The following ANKRD54 variants were observed in gnomAD, a reference collection of about 807,000 sequenced individuals.
The protein encoded by ANKRD54 is ankyrin repeat domain-containing protein 54.
ANKRD54 carries 26 observed loss-of-function variants against 36.2 expected under a neutral mutation model. The observed-to-expected ratio is 0.72, with a 90% CI of 0.53 to 1.00. ANKRD54 has a LOEUF of 1.00. Ranked by LOEUF, ANKRD54 falls within the 50% of genes least tolerant of loss-of-function variation. The pLI, the probability that ANKRD54 is intolerant of heterozygous loss-of-function variation, is 0.00. For missense variants in ANKRD54, 384 were observed against 424.3 expected, an observed-to-expected ratio of 0.91 and a Z score of 0.83; for synonymous variants, 209 against 188.4, an observed-to-expected ratio of 1.11 and a Z score of -0.89.
At chr22:37,839,482 G>A (rs1288113600) in intron 2 of ANKRD54, among the ~76,000 whole-genome samples, 1 of 152,104 alleles carries the variant, frequency 6.6e-6, no homozygotes, top group Non-Finnish European at 1.5e-5. Flanking sequence ...CTGTCTCCCA[G>A]GTTCACACCA....
At chr22:37,847,817 G>C (rs751458851), upstream of ANKRD54, 51 of 429,266 alleles carry the variant, frequency 1.2e-4, 1 homozygote, top group South Asian at 8.9e-4. Flanking sequence ...CACCTCTGGT[G>C]ACAGCACAAG....
chr22:37,841,803 G>C (rs542426435), intron 1 of ANKRD54, among the ~76,000 whole-genome samples: 4 of 151,576 alleles, frequency 2.6e-5, no homozygotes, highest in African/African-American at 9.7e-5. Context: ...AGCCAAGATC[G>C]CGCCACTGCA....
intron 7 of ANKRD54, 101 bp downstream of exon 7, chr22:37,832,536 C>T: frequency 1.8e-6 from 2 of 1,136,428 alleles, no homozygotes; most frequent in Non-Finnish European, 2.6e-6. Context: ...CCCCAGCCCA[C>T]AGCCTCTTTC....
intron 1 of ANKRD54, among the ~76,000 whole-genome samples, chr22:37,840,796 A>C (rs1450450954): frequency 6.7e-6 from 1 of 149,970 alleles, no homozygotes; most frequent in Non-Finnish European, 1.5e-5. Context: ...CTGAGGTAGG[A>C]GAATCACTTG....
At position 37,835,719 on chromosome 22, in the gene ANKRD54, T is replaced by C. The variant is rs1019477082; in HGVS notation, c.476-1964A>G. On this transcript the variant is annotated intron_variant, in intron 3 of 7. Transcript: ENST00000215941. Reference sequence around the variant, plus strand: ...TACTTGGGAGGCTGAGGCAGGAGGATTGCTTGAGCCTAGGAGATTGAGGCT... The same window carrying C: ...TACTTGGGAGGCTGAGGCAGGAGGACTGCTTGAGCCTAGGAGATTGAGGCT... 9.2e-5 allele frequency among the ~76,000 whole-genome samples: 14 copies of C among 152,110 alleles called. No homozygotes were observed. The East Asian group carries it at 1.5e-3, about 17-fold the overall frequency.
At chr22:37,833,864 A>C in intron 3 of ANKRD54, 109 bp from the exon 4 acceptor site, 1 of 899,318 alleles carries the variant, frequency 1.1e-6, no homozygotes, top group Non-Finnish European at 1.8e-6. Flanking sequence ...ACGGAATGCA[A>C]GCATGGATGG....
At chr22:37,833,986 G>A (rs949882460) in intron 3 of ANKRD54, 10 of 509,902 alleles carry the variant, frequency 2.0e-5, no homozygotes, top group Non-Finnish European at 3.2e-5. Context: ...GCCTATGCAG[G>A]TGTAGGAATG....
chr22:37,838,838 G>A (rs927413370), intron 2 of ANKRD54, among the ~76,000 whole-genome samples: 9 of 152,082 alleles, frequency 5.9e-5, no homozygotes, highest in African/African-American at 2.2e-4. Flanking sequence ...ATAGAACATC[G>A]TAGGAGGTTC....
intron 1 of ANKRD54, 190 bp downstream of exon 1, chr22:37,843,721 T>C: frequency 3.0e-6 from 1 of 331,350 alleles, no homozygotes; most frequent in African/African-American, 2.2e-5. Context: ...GCAGGAAGAC[T>C]TTCTAAAAAA....
Position 37,844,182 on chromosome 22 carries a change from C to A in ANKRD54, c.57G>T (p.Ser19=). 1 of 1,509,836 alleles carries A rather than the reference C, an allele frequency of 6.6e-7. No homozygotes were observed. Among genetic ancestry groups the A allele is most frequent in the Non-Finnish European group, 8.8e-7 (1 of 1,137,212 alleles). The allele number at this position is 1,509,836 out of a possible 1,614,324, so 93.5% of individuals were successfully genotyped here. A position where few individuals can be genotyped will look rare whatever the true frequency, so the allele number is the denominator to read the frequency against. ...DDEPRSGHSS[S]EGECAVAPEP... ...CCGGCGCCACCGCGCACTCGCCCTC[C>A]GAGCTCGAGTGGCCTGAGCGCGGCT... is the stretch of plus-strand genomic sequence containing the variant. The change falls in exon 1 of 8, where the codon TCG becomes TCT. Residue 19 remains serine, a synonymous_variant. Coordinates refer to ENST00000215941, the MANE Select transcript of ANKRD54 (RefSeq NM_138797.4).
intron 2 of ANKRD54, among the ~76,000 whole-genome samples, chr22:37,839,815 T>G (rs760673626): frequency 1.3e-5 from 2 of 152,232 alleles, no homozygotes; most frequent in African/African-American, 2.4e-5. Context: ...CCACCTCACC[T>G]GGCCGTGGCA....
upstream of ANKRD54, among the ~76,000 whole-genome samples, chr22:37,845,368 A>C (rs1924776634): frequency 6.6e-6 from 1 of 152,186 alleles, no homozygotes. Flanking sequence ...GCAACATTTC[A>C]TGGGTGCACG....
chr22:37,833,753 G>A lies in ANKRD54; in HGVS notation c.478C>T (p.Gln160Ter). ...ASCNGNDQIV[Q>*]LLLDHGADPN... ...TCAGCACCATGGTCCAGGAGCAGCT[G>A]CACTGGAAACAGGCAAACCCAAGAG... Residue 160 changes from glutamine (Q) to a stop codon, truncating the protein, a stop_gained and splice_region_variant, in exon 4 of 8, where the codon CAG (glutamine) becomes TAG (stop). Transcript: ENST00000215941. LOFTEE classifies it high-confidence loss of function. The A allele has an allele frequency of 6.2e-7, 1 of 1,613,960 alleles. No individual in the cohort carries two copies. The highest frequency in any genetic ancestry group is 8.5e-7 in the Non-Finnish European group (1 of 1,179,880).
At chr22:37,842,616 G>A (rs1374514661) in intron 1 of ANKRD54, among the ~76,000 whole-genome samples, 1 of 152,174 alleles carries the variant, frequency 6.6e-6, no homozygotes, top group African/African-American at 2.4e-5. Context: ...CCCTCCAATG[G>A]CTAATGGAAA....
Position 37,833,151 on chromosome 22 carries a change from C to T in ANKRD54, c.595+8G>A. ...GAAAGAGGACAGAGAGGGGAAGAAA[C>T]CACATACCTCCTCGTAGCAGTGTGG... is the stretch of plus-strand genomic sequence containing the variant. On this transcript the variant is annotated splice_region_variant and intron_variant, in intron 5 of 7. Coordinates refer to ENST00000215941, the MANE Select transcript of ANKRD54 (RefSeq NM_138797.4). The T allele has an allele frequency of 6.2e-7, 1 of 1,613,836 alleles. No individual in the cohort carries two copies. Among genetic ancestry groups the T allele is most frequent in the East Asian group, 2.2e-5 (1 of 44,874 alleles).
chr22:37,844,250 C>T lies in ANKRD54; in HGVS notation c.-12G>A, dbSNP rs1228248885. The T allele has an allele frequency of 1.3e-5, 20 of 1,545,462 alleles. No individual in the cohort carries two copies. Among genetic ancestry groups the T allele is most frequent in the Non-Finnish European group, 1.7e-5 (20 of 1,155,210 alleles). On this transcript the variant is annotated 5_prime_UTR_variant, in exon 1 of 8. Transcript: ENST00000215941. ...GCGGCGGCTGCCATGGCAACGGCTC[C>T]GCGCGGGCCTGGCCGCCTGAGCCTC... is the stretch of plus-strand genomic sequence containing the variant.
intron 4 of ANKRD54, 89 bp downstream of exon 4, chr22:37,833,595 G>T: frequency 2.1e-6 from 3 of 1,399,588 alleles, no homozygotes; most frequent in African/African-American, 1.4e-5. Flanking sequence ...CACAGTTTCT[G>T]CCAGGAGCAT....
At chr22:37,835,704 G>A in intron 3 of ANKRD54, among the ~76,000 whole-genome samples, 1 of 152,168 alleles carries the variant, frequency 6.6e-6, no homozygotes, top group Non-Finnish European at 1.5e-5. Flanking sequence ...TACTTGGGAG[G>A]CTGAGGCAGG....
chr22:37,845,137 T>A (rs1299374992), upstream of ANKRD54, among the ~76,000 whole-genome samples: 1 of 151,944 alleles, frequency 6.6e-6, no homozygotes, highest in Non-Finnish European at 1.5e-5. Flanking sequence ...CTAAATGCAA[T>A]GGATTTCCTT....
Sources: allele counts gnomAD v4.1 joint callset (sites outside exome capture counted in the v4.1 genomes callset), GRCh38; gene constraint gnomAD v4.1.1; transcripts MANE v1.5; gene names NCBI Gene and HGNC (gene_info 2026-07-23, HGNC 2026-07-21).